Variants in NPIPB8 observed in about 807,000 individuals in gnomAD.
The protein encoded by NPIPB8 is nuclear pore complex interacting protein family member B8.
Under a neutral mutation model 5.3 loss-of-function variants are expected in NPIPB8, and 3 were observed. The observed-to-expected ratio is 0.57, with a 90% CI of 0.26 to 1.47. The LOEUF (loss-of-function observed/expected upper bound fraction) is 1.47, where lower values mean the gene tolerates loss of function less well. NPIPB8 is among the 40% of genes most tolerant of loss of function. The pLI is 0.13. For missense variants in NPIPB8, 50 were observed against 50.2 expected (o/e 1.00, Z 0.01); for synonymous variants, 18 against 23.0 (o/e 0.78, Z 0.62).
At chr16:28,641,197 T>A (rs1273721807) in intron 2 of NPIPB8, among the ~76,000 whole-genome samples, 1 of 151,664 alleles carries the variant, frequency 6.6e-6, no homozygotes, top group Admixed American at 6.6e-5. Flanking sequence ...CACAGAGGTC[T>A]TAGAGAGATG....
chr16:28,641,271 A>G (rs3928523), intron 2 of NPIPB8, among the ~76,000 whole-genome samples: 150,038 of 150,280 alleles, frequency 1, 74,902 homozygotes, highest in South Asian at 1. Context: ...ACAGGGCATC[A>G]TCTGTGGGGA....
chr16:28,644,439 C>G (rs2047959778), intron 2 of NPIPB8: 1 of 10,748 alleles, frequency 9.3e-5, no homozygotes, highest in African/African-American at 5.4e-4. Context: ...CCCTCCCCCT[C>G]CCCTCCCCCT....
intron 2 of NPIPB8, among the ~76,000 whole-genome samples, chr16:28,639,670 C>T (rs1339242154): frequency 7.0e-6 from 1 of 143,430 alleles, no homozygotes; most frequent in Non-Finnish European, 1.5e-5. Context: ...TGGCCAGGCT[C>T]GTGTCAACTC....
chr16:28,651,246 G>T (rs1288231016), intron 3 of NPIPB8, among the ~76,000 whole-genome samples: 4 of 35,622 alleles, frequency 1.1e-4, no homozygotes, highest in African/African-American at 9.5e-4. Flanking sequence ...GCCTCCCAAA[G>T]TGCTGGGATT....
intron 2 of NPIPB8, among the ~76,000 whole-genome samples, chr16:28,640,711 G>A (rs922277810): frequency 1.6e-4 from 25 of 152,246 alleles, no homozygotes; most frequent in African/African-American, 5.1e-4. Context: ...GGTGGAGTTT[G>A]TCCCAGAGCT....
chr16:28,654,902 AC>A (rs2048098087), intron 5 of NPIPB8: 1 of 171,270 alleles, frequency 5.8e-6, no homozygotes, highest in Non-Finnish European at 7.7e-6. Context: ...CAGGTCTCAC[AC>A]AGGAAGAGTC....
Position 28,638,126 on chromosome 16 carries a change from C to A in NPIPB8, c.-63C>A. The A allele has an allele frequency of 1.6e-6, 1 of 644,754 alleles. No individual in the cohort carries two copies. The highest frequency in any genetic ancestry group is 2.5e-6 in the Non-Finnish European group (1 of 392,240). The allele number at this position is 644,754 out of a possible 1,614,324, so 39.9% of individuals were successfully genotyped here. On this transcript the variant is annotated 5_prime_UTR_variant, in exon 1 of 8. The change creates a new upstream start codon in the 5' untranslated region. Transcript: ENST00000683297. ...TGAATGACGAATGAAACTATTGTTC[C>A]TGTTTCACACAGAAGAAAACTGAGG... is the stretch of plus-strand genomic sequence containing the variant.
chr16:28,638,329 A>T lies in NPIPB8; in HGVS notation c.-32A>T. ...TTTCTTAATTGTCTAATAGGTTGGCACTCATCATGAGCCCCTGTTCTCATT... is the reference window on the plus strand; with the variant it reads ...TTTCTTAATTGTCTAATAGGTTGGCTCTCATCATGAGCCCCTGTTCTCATT... On this transcript the variant is annotated 5_prime_UTR_variant, in exon 2 of 8. Coordinates refer to ENST00000683297, the MANE Select transcript of NPIPB8 (RefSeq NM_001310136.2). 2 of 1,561,656 alleles carry T rather than the reference A, an allele frequency of 1.3e-6. No homozygotes were observed. The highest frequency in any genetic ancestry group is 8.6e-7 in the Non-Finnish European group (1 of 1,161,116).
At chr16:28,640,877 G>A (rs1596674257) in intron 2 of NPIPB8, among the ~76,000 whole-genome samples, 1 of 152,022 alleles carries the variant, frequency 6.6e-6, no homozygotes, top group South Asian at 2.1e-4. Flanking sequence ...TTTGAGGATG[G>A]GAACATTGAG....
At chr16:28,642,796 G>C (rs1410141881) in intron 2 of NPIPB8, among the ~76,000 whole-genome samples, 1 of 151,696 alleles carries the variant, frequency 6.6e-6, no homozygotes, top group Non-Finnish European at 1.5e-5. Flanking sequence ...TTTTGTTTTT[G>C]TTTTGCTTGT....
At chr16:28,642,236 G>A (rs1367795732) in intron 2 of NPIPB8, among the ~76,000 whole-genome samples, 1 of 151,586 alleles carries the variant, frequency 6.6e-6, no homozygotes, top group Non-Finnish European at 1.5e-5. Context: ...CTCCTGAGTA[G>A]CTGGGATTAC....
intron 2 of NPIPB8, among the ~76,000 whole-genome samples, chr16:28,641,853 G>A (rs571243769): frequency 1.1e-4 from 15 of 132,050 alleles, no homozygotes; most frequent in African/African-American, 3.2e-4. Context: ...ATGAGGGACC[G>A]CCTGCAAGGG....
At chr16:28,639,123 C>T (rs1222907025) in intron 2 of NPIPB8, among the ~76,000 whole-genome samples, 2 of 146,244 alleles carry the variant, frequency 1.4e-5, no homozygotes, top group East Asian at 2.0e-4. Flanking sequence ...AAATCAACAG[C>T]TTCTAAACTA....
chr16:28,652,951 C>G (rs1014365333), intron 5 of NPIPB8, among the ~76,000 whole-genome samples: 10 of 131,062 alleles, frequency 7.6e-5, no homozygotes, highest in African/African-American at 3.0e-4. Context: ...CTCTGTCGCC[C>G]AGGCTGGAGT....
At chr16:28,641,272 T>C (rs2047891503) in intron 2 of NPIPB8, among the ~76,000 whole-genome samples, 1 of 150,466 alleles carries the variant, frequency 6.6e-6, no homozygotes, top group Admixed American at 6.6e-5. Context: ...CAGGGCATCA[T>C]CTGTGGGGAT....
chr16:28,639,090 T>C (rs1190039392), intron 2 of NPIPB8, among the ~76,000 whole-genome samples: 1 of 148,032 alleles, frequency 6.8e-6, no homozygotes, highest in Non-Finnish European at 1.5e-5. Context: ...AAAATTATCC[T>C]GCAAAATTTG....
chr16:28,652,021 A>T lies in NPIPB8; in HGVS notation c.368A>T (p.Gln123Leu). 7 of 183,600 alleles carry T rather than the reference A, an allele frequency of 3.8e-5. No homozygotes were observed. Among genetic ancestry groups the T allele is most frequent in the South Asian group, 1.6e-4 (6 of 36,508 alleles). The allele number at this position is 183,600 out of a possible 1,614,324, so 11.4% of individuals were successfully genotyped here. ...NGHDGSMDVQ[Q>L]RAWRSNRSRQ... is the part of the protein sequence containing the mutation. ...CATGATGGATCCATGGATGTACAGC[A>T]GAGAGCCTGGAGGTCCAACCGCAGT... The change falls in exon 4 of 8, where the codon CAG (glutamine) becomes CTG (leucine). Residue 123 changes from glutamine to leucine, a missense_variant. Gln to Leu is a moderately radical substitution (Grantham distance 113, BLOSUM62 -2). Transcript: ENST00000683297.
intron 3 of NPIPB8, among the ~76,000 whole-genome samples, chr16:28,651,230 G>T (rs1316515438): frequency 0.012 from 386 of 32,294 alleles, 5 homozygotes; most frequent in Non-Finnish European, 0.016. Context: ...TGATTCACCC[G>T]CCTCAGCCTC....
At chr16:28,644,586 G>A in intron 2 of NPIPB8, 2 of 1,463,630 alleles carry the variant, frequency 1.4e-6, no homozygotes, top group Non-Finnish European at 1.8e-6. Flanking sequence ...GAAAGGACCA[G>A]GACATGCGGC....
Sources: gnomAD v4.1 joint callset for allele counts (sites outside exome capture counted in the v4.1 genomes callset) on GRCh38, gnomAD v4.1.1 for gene constraint, MANE v1.5 for transcripts, NCBI Gene and HGNC (gene_info 2026-07-23, HGNC 2026-07-21) for gene names.